Variants in SEMA6D observed in about 807,000 individuals in gnomAD.
SEMA6D encodes semaphorin 6D.
SEMA6D carries 35 observed loss-of-function variants against 106.6 expected under a neutral mutation model. The ratio of observed to expected loss-of-function variants is 0.33; its 90% CI spans 0.25 to 0.44. The LOEUF is 0.44. SEMA6D is among the 20% of genes least tolerant of loss of function. The probability of loss-of-function intolerance (pLI) is 1.00; values close to 1 mark genes in which losing one functional copy is unlikely to be tolerated. For missense variants in SEMA6D, 1,185 were observed against 1,345.9 expected, an observed-to-expected ratio of 0.88 and a Z score of 1.87; for synonymous variants, 499 against 487.7, an observed-to-expected ratio of 1.02 and a Z score of -0.31.
Position 47,770,527 on chromosome 15 carries a change from C to T in SEMA6D, c.1964C>T (p.Ser655Phe). ...CGATGGGAAGTCCAGTCTGGAGAGT[C>T]CAACCAGATGGTCCACATGAATGTC... Reference protein sequence around the residue: ...GVRWEVQSGESNQMVHMNVLI... With the variant: ...GVRWEVQSGEFNQMVHMNVLI... The change falls in exon 19 of 19, where the codon TCC (serine) becomes TTC (phenylalanine). Residue 655 changes from serine to phenylalanine, a missense_variant. By Grantham distance (155) the Ser-to-Phe change is radical. This residue lies in a region of SEMA6D where 750 missense variants were observed against 783.5 expected (regional missense o/e 0.96). Coordinates refer to ENST00000536845, the MANE Select transcript of SEMA6D (RefSeq NM_001358351.3). 1 of 1,606,350 alleles carries T rather than the reference C, an allele frequency of 6.2e-7. No individual in the cohort carries two copies. The highest frequency in any genetic ancestry group is 2.2e-5 in the East Asian group (1 of 44,646).
At chr15:47,189,105 A>C (rs1183358396) in intron 1 of SEMA6D, among the ~76,000 whole-genome samples, 1 of 152,058 alleles carries the variant, frequency 6.6e-6, no homozygotes, top group Non-Finnish European at 1.5e-5. Flanking sequence ...AATGTAGAAA[A>C]AGTTATTGTG....
intron 1 of SEMA6D, among the ~76,000 whole-genome samples, chr15:47,411,051 C>T (rs987885234): frequency 6.6e-6 from 1 of 151,968 alleles, no homozygotes; most frequent in East Asian, 1.9e-4. Flanking sequence ...AGCTTTTCTT[C>T]TTGGTGGTCC....
rs182618542 is a variant in SEMA6D at position 47,509,167 on chromosome 15, T to C, written c.-87+38622T>C. 1.6e-4 allele frequency among the ~76,000 whole-genome samples: 25 copies of C among 152,326 alleles called. 1 individual carries two copies. The highest frequency in any genetic ancestry group is 1.1e-3 in the Admixed American group (17 of 15,302). ...CCAGGCTAAATCTTAACTTCAGGGC[T>C]ACAGTCTCCTTCAAACAGATGAGTG... On this transcript the variant is annotated intron_variant, in intron 3 of 19. Coordinates refer to the SEMA6D transcript ENST00000558014.
chr15:47,762,423 T>G, intron 8 of SEMA6D, 104 bp downstream of exon 8: 3 of 1,316,694 alleles, frequency 2.3e-6, no homozygotes, highest in Non-Finnish European at 3.2e-6. Context: ...CTTTATATTG[T>G]TTATTTAGAA....
At chr15:47,210,286 G>A (rs564731462) in intron 1 of SEMA6D, among the ~76,000 whole-genome samples, 2 of 151,976 alleles carry the variant, frequency 1.3e-5, no homozygotes, top group African/African-American at 4.8e-5. Flanking sequence ...TGAGGCCAGG[G>A]GAACACACAA....
intron 1 of SEMA6D, among the ~76,000 whole-genome samples, chr15:47,279,898 G>T (rs1458328199): frequency 6.7e-6 from 1 of 150,306 alleles, no homozygotes; most frequent in Non-Finnish European, 1.5e-5. Context: ...TGGTGGATAA[G>T]CTTTTTGATG....
intron 1 of SEMA6D, among the ~76,000 whole-genome samples, chr15:47,184,913 G>A (rs538464255): frequency 2.6e-5 from 4 of 152,338 alleles, no homozygotes; most frequent in African/African-American, 9.6e-5. Context: ...TCTAATTGGT[G>A]GGTGCTGGGA....
chr15:47,198,637 C>G (rs1453116205), intron 1 of SEMA6D, among the ~76,000 whole-genome samples: 3 of 152,104 alleles, frequency 2.0e-5, no homozygotes, highest in Non-Finnish European at 1.5e-5. Context: ...AAGCAGGGAC[C>G]TGGATTCACA....
chr15:47,654,765 T>C (rs559997742), intron 4 of SEMA6D, among the ~76,000 whole-genome samples: 1 of 152,338 alleles, frequency 6.6e-6, no homozygotes, highest in East Asian at 1.9e-4. Flanking sequence ...CATGCCTGCT[T>C]CTGCTTCATC....
rs2145500554 is a variant in SEMA6D, at chr15:47,676,727, CA to C, written c.-55+75835del. Among the ~76,000 whole-genome samples, 3 of 152,248 alleles carry C rather than the reference CA, an allele frequency of 2.0e-5. 1 individual carries two copies. In the South Asian group the frequency reaches 6.2e-4, roughly 32 times the overall value. On this transcript the variant is annotated intron_variant, in intron 4 of 19. Transcript: ENST00000558014. ...GTACTGTTCAAGTTACCTATTGCTG[CA>C]AAACAAACCACCCCAACACATAGAT... is the stretch of plus-strand genomic sequence containing the variant.
intron 3 of SEMA6D, among the ~76,000 whole-genome samples, chr15:47,516,135 CATT>C (rs1243243192): frequency 6.6e-6 from 1 of 152,078 alleles, no homozygotes; most frequent in African/African-American, 2.4e-5. Context: ...ATGGGAGCAA[CATT>C]GTTGTTTATA....
rs578072243 is a variant in SEMA6D at position 47,421,057 on chromosome 15, T to C, written c.-159+8585T>C. Among the ~76,000 whole-genome samples the C allele has an allele frequency of 2.6e-5, 4 of 152,284 alleles. No individual in the cohort carries two copies. The South Asian group carries it at 6.2e-4, about 24-fold the overall frequency. On this transcript the variant is annotated intron_variant, in intron 2 of 19. Transcript: ENST00000558014. ...ATATGTTTGGACTTTTTATTGAAAG[T>C]AGATGATACGAGTCAGTGAAGAACA...
chr15:47,618,168 C>T (rs1219824896), intron 4 of SEMA6D, among the ~76,000 whole-genome samples: 1 of 152,206 alleles, frequency 6.6e-6, no homozygotes, highest in South Asian at 2.1e-4. Flanking sequence ...GGCACTCTTT[C>T]AGTGCTTAGA....
intron 1 of SEMA6D, among the ~76,000 whole-genome samples, chr15:47,723,349 T>C (rs1354452699): frequency 2.0e-5 from 3 of 152,202 alleles, no homozygotes; most frequent in Non-Finnish European, 4.4e-5. Context: ...AAGATTACAG[T>C]GGCATAGGAC....
At chr15:47,270,319 C>G (rs1276108881) in intron 1 of SEMA6D, among the ~76,000 whole-genome samples, 1 of 150,888 alleles carries the variant, frequency 6.6e-6, no homozygotes, top group African/African-American at 2.4e-5. Context: ...ATATATTGAC[C>G]TTCTATCCTA....
At position 47,412,806 on chromosome 15, in the gene SEMA6D, A is replaced by G. The variant is rs201390968; in HGVS notation, c.-159+334A>G. ...TACAGCACAAAGAGACACAGAGTTT[A>G]AGATCAATGGGGAGAAAGAAAGGGA... On this transcript the variant is annotated intron_variant, in intron 2 of 19. Coordinates refer to the SEMA6D transcript ENST00000558014. 2.1e-4 allele frequency among the ~76,000 whole-genome samples: 32 copies of G among 152,340 alleles called. No individual in the cohort carries two copies. In the East Asian group the frequency reaches 5.6e-3, roughly 27 times the overall value.
intron 2 of SEMA6D, among the ~76,000 whole-genome samples, chr15:47,463,184 A>G (rs1171058184): frequency 1.3e-5 from 2 of 152,138 alleles, no homozygotes; most frequent in Non-Finnish European, 2.9e-5. Flanking sequence ...AATATTTTCA[A>G]TTGCAAGCTG....
chr15:47,540,247 C>T (rs2045313316), intron 3 of SEMA6D, among the ~76,000 whole-genome samples: 1 of 151,960 alleles, frequency 6.6e-6, no homozygotes, highest in African/African-American at 2.4e-5. Flanking sequence ...GGAATCCACC[C>T]ACATATAAAC....
chr15:47,452,373 G>A (rs2042220287), intron 2 of SEMA6D, among the ~76,000 whole-genome samples: 1 of 150,308 alleles, frequency 6.7e-6, no homozygotes, highest in Non-Finnish European at 1.5e-5. Flanking sequence ...TCAAGTTGCA[G>A]CTTTGACACT....
Sources: gnomAD v4.1 joint callset for allele counts (sites outside exome capture counted in the v4.1 genomes callset) on GRCh38, gnomAD v4.1.1 for gene constraint, gnomAD v4.1.1 regional missense constraint, MANE v1.5 for transcripts, NCBI Gene and HGNC (gene_info 2026-07-23, HGNC 2026-07-21) for gene names.